Variants in DISC1 observed in about 807,000 individuals in gnomAD.
DISC1 encodes DISC1 scaffold protein.
In DISC1, 57 loss-of-function variants were observed where a neutral mutation model predicts 84.5. The ratio of observed to expected loss-of-function variants is 0.67; its 90% CI spans 0.55 to 0.84. The LOEUF (loss-of-function observed/expected upper bound fraction) is 0.84, where lower values mean the gene tolerates loss of function less well. Among genes scored for constraint, DISC1 ranks in the 40% least tolerant of loss-of-function variants. The probability of loss-of-function intolerance (pLI) is 0.00; values close to 1 mark genes in which losing one functional copy is unlikely to be tolerated. For synonymous variants in DISC1, 411 were observed against 415.2 expected (o/e 0.99, Z 0.12); for missense variants, 1,000 against 1,057.8 (o/e 0.95, Z 0.76).
intron 3 of DISC1, among the ~76,000 whole-genome samples, chr1:231,715,443 A>G (rs2068558369): frequency 6.6e-6 from 1 of 152,232 alleles, no homozygotes; most frequent in South Asian, 2.1e-4. Flanking sequence ...TGTTAGCTTG[A>G]AGGTGCCTCT....
chr1:231,804,539 C>A (rs1178232967), intron 8 of DISC1, among the ~76,000 whole-genome samples: 2 of 150,340 alleles, frequency 1.3e-5, no homozygotes, highest in Non-Finnish European at 2.9e-5. Context: ...TTGACTGCAG[C>A]CTTGAATTCC....
intron 6 of DISC1, among the ~76,000 whole-genome samples, chr1:231,772,387 T>A (rs565661239): frequency 1.3e-5 from 2 of 152,178 alleles, no homozygotes; most frequent in South Asian, 4.1e-4. Context: ...GCTACGTGGG[T>A]AGAGCCGGGA....
At chr1:231,642,308 C>T (rs903518400) in intron 1 of DISC1, among the ~76,000 whole-genome samples, 7 of 152,244 alleles carry the variant, frequency 4.6e-5, no homozygotes, top group Non-Finnish European at 7.3e-5. Context: ...TGCCTGCAAG[C>T]TGAGGGAGCC....
intron 3 of DISC1, among the ~76,000 whole-genome samples, chr1:231,711,986 GA>G (rs2067917575): frequency 2.0e-5 from 3 of 152,166 alleles, no homozygotes; most frequent in Admixed American, 1.3e-4. Context: ...CATCATCCCA[GA>G]TTATCTGAGG....
In DISC1 at chr1:231,630,632, G is replaced by A. The variant is rs924559226; in HGVS notation, c.67+3698G>A. Among the ~76,000 whole-genome samples the A allele has an allele frequency of 7.9e-5, 12 of 152,094 alleles. No individual in the cohort carries two copies. Among genetic ancestry groups the A allele is most frequent in the Non-Finnish European group, 1.6e-4 (11 of 68,022 alleles). On this transcript the variant is annotated intron_variant, in intron 1 of 12. Transcript: ENST00000439617. This position sits in a 1 kb window ranked among gnomAD's most constrained non-coding sequence, Gnocchi z 4.4. Reference sequence around the variant, plus strand: ...GAAGAGCCATTTTTCAGTCAGCACCGTTTAGTAATATAAGACTTTTAGCCT... The same window carrying A: ...GAAGAGCCATTTTTCAGTCAGCACCATTTAGTAATATAAGACTTTTAGCCT...
intron 10 of DISC1, among the ~76,000 whole-genome samples, chr1:231,979,090 A>G (rs964853304): frequency 6.6e-6 from 1 of 152,048 alleles, no homozygotes; most frequent in African/African-American, 2.4e-5. Context: ...GTAACTGCAC[A>G]TGCCGGTGAT....
intron 3 of DISC1, among the ~76,000 whole-genome samples, chr1:231,729,709 G>GTTT (rs368321722): frequency 1.4e-5 from 2 of 139,036 alleles, no homozygotes; most frequent in Admixed American, 7.3e-5. Flanking sequence ...ATCCTCTAGG[G>GTTT]TTTTTTTTTT....
chr1:232,025,597 CT>C (rs35161490), intron 11 of DISC1, among the ~76,000 whole-genome samples: 62,318 of 132,184 alleles, frequency 0.47, 13,631 homozygotes, highest in Middle Eastern at 0.52. Flanking sequence ...TCATCCTGCT[CT>C]TTTTTTTTTT....
chr1:231,906,475 T>C (rs1386638784), intron 9 of DISC1, among the ~76,000 whole-genome samples: 1 of 152,202 alleles, frequency 6.6e-6, no homozygotes, highest in Non-Finnish European at 1.5e-5. Context: ...GGGTGCTTTA[T>C]GCACGAGGGA....
At chr1:231,938,578 G>C (rs1473475392) in intron 9 of DISC1, among the ~76,000 whole-genome samples, 1 of 152,212 alleles carries the variant, frequency 6.6e-6, no homozygotes, top group East Asian at 1.9e-4. Flanking sequence ...CGTTCACCAT[G>C]GTTTCAACCT....
At chr1:231,923,159 C>T (rs890449874) in intron 9 of DISC1, among the ~76,000 whole-genome samples, 2 of 151,722 alleles carry the variant, frequency 1.3e-5, no homozygotes, top group Admixed American at 6.6e-5. Context: ...TGGTGGCATG[C>T]GTCTGTAATC....
At chr1:231,804,382 T>G (rs2079541935) in intron 8 of DISC1, among the ~76,000 whole-genome samples, 1 of 152,036 alleles carries the variant, frequency 6.6e-6, no homozygotes, top group Admixed American at 6.6e-5. Flanking sequence ...AAGAAAAATA[T>G]CATGGAGCAT....
At chr1:231,737,327 G>A (rs2072639580) in intron 3 of DISC1, among the ~76,000 whole-genome samples, 1 of 152,182 alleles carries the variant, frequency 6.6e-6, no homozygotes, top group African/African-American at 2.4e-5. Context: ...ATTCAGCCAT[G>A]CTTATAAAAT....
At chr1:231,982,740 G>GA (rs145680002) in intron 10 of DISC1, among the ~76,000 whole-genome samples, 2 of 152,026 alleles carry the variant, frequency 1.3e-5, no homozygotes, top group African/African-American at 4.8e-5. Flanking sequence ...ATTGCAGGCA[G>GA]AAAAAAACAA....
At chr1:231,715,056 C>G (rs1011913703) in intron 3 of DISC1, among the ~76,000 whole-genome samples, 2 of 152,180 alleles carry the variant, frequency 1.3e-5, no homozygotes, top group Admixed American at 6.5e-5. Flanking sequence ...GAGACTTCCC[C>G]TCTTGGATCC....
intron 9 of DISC1, among the ~76,000 whole-genome samples, chr1:231,934,900 G>A (rs756816692): frequency 2.6e-5 from 4 of 152,122 alleles, no homozygotes; most frequent in African/African-American, 4.8e-5. Flanking sequence ...TTTAGAGAGC[G>A]GTTTGGTGAA....
At chr1:232,012,356 A>G (rs1668091285) in intron 11 of DISC1, among the ~76,000 whole-genome samples, 1 of 152,198 alleles carries the variant, frequency 6.6e-6, no homozygotes, top group Non-Finnish European at 1.5e-5. Flanking sequence ...TCCCGTTTGT[A>G]TTCGGGTCCA....
chr1:231,838,412 C>G (rs1265655821), intron 9 of DISC1, among the ~76,000 whole-genome samples: 1 of 152,130 alleles, frequency 6.6e-6, no homozygotes, highest in Non-Finnish European at 1.5e-5. Context: ...AAATGATCCT[C>G]TTTATTGAGA....
At chr1:231,839,061 G>A (rs112524848) in intron 9 of DISC1, among the ~76,000 whole-genome samples, 1,811 of 152,292 alleles carry the variant, frequency 0.012, 23 homozygotes, top group African/African-American at 0.041. Context: ...CAGAGATAAG[G>A]ACAACCAAGG....
Sources: gnomAD v4.1 joint callset for allele counts (sites outside exome capture counted in the v4.1 genomes callset) on GRCh38, gnomAD v4.1.1 for gene constraint, Gnocchi (gnomAD v3.1) non-coding constraint, MANE v1.5 for transcripts, NCBI Gene and HGNC (gene_info 2026-07-23, HGNC 2026-07-21) for gene names.